Variants in NKAIN1 observed in about 807,000 individuals in gnomAD.
NKAIN1 encodes the protein sodium/potassium-transporting ATPase subunit beta-1-interacting protein 1.
Under a neutral mutation model 31.6 loss-of-function variants are expected in NKAIN1, and 13 were observed. The ratio of observed to expected loss-of-function variants is 0.41; its 90% confidence interval spans 0.27 to 0.65. The LOEUF (loss-of-function observed/expected upper bound fraction) is 0.65. Ranked by LOEUF, NKAIN1 falls within the 30% of genes least tolerant of loss-of-function variation. The pLI is 0.30. For synonymous variants in NKAIN1, 104 were observed against 109.0 expected, an observed-to-expected ratio of 0.95 and a Z score of 0.28; for missense variants, 193 against 262.2, an observed-to-expected ratio of 0.74 and a Z score of 1.82.
intron 1 of NKAIN1, among the ~76,000 whole-genome samples, chr1:31,222,523 C>T (rs1645572003): frequency 6.6e-6 from 1 of 152,198 alleles, no homozygotes; most frequent in Admixed American, 6.5e-5. Context: ...GGGGTGGTGA[C>T]CCGTCACCAG....
In NKAIN1 at chr1:31,239,147, C is replaced by T. The variant is rs1645713725; in HGVS notation, c.54+347G>A. Among the ~76,000 whole-genome samples the T allele has an allele frequency of 1.3e-5, 2 of 152,142 alleles. No homozygotes were observed. The highest frequency in any genetic ancestry group is 4.8e-5 in the African/African-American group (2 of 41,440). On this transcript the variant is annotated intron_variant, in intron 1 of 6. Transcript: ENST00000373736. The surrounding 1 kb of genome is among the most constrained non-coding windows in gnomAD (Gnocchi z 4.8). ...ACACACAGCAGGACCTCAACGGATCCACAGATCAGCCTCAGACACACCCCC... is the reference window on the plus strand; with the variant it reads ...ACACACAGCAGGACCTCAACGGATCTACAGATCAGCCTCAGACACACCCCC...
intron 1 of NKAIN1, among the ~76,000 whole-genome samples, chr1:31,195,206 C>T (rs1158462567): frequency 1.3e-5 from 2 of 150,934 alleles, no homozygotes; most frequent in Admixed American, 6.6e-5. Flanking sequence ...GCAACCTCCG[C>T]CTCCTGGGTT....
At chr1:31,183,276 C>T (rs1271729195) in intron 4 of NKAIN1, among the ~76,000 whole-genome samples, 1 of 152,040 alleles carries the variant, frequency 6.6e-6, no homozygotes, top group Non-Finnish European at 1.5e-5. Flanking sequence ...GTATTGAGCA[C>T]TTAAACCCAG....
chr1:31,184,099 C>G lies in NKAIN1; in HGVS notation c.274-85G>C, dbSNP rs1042568435. 22 of 1,240,156 alleles carry G rather than the reference C, an allele frequency of 1.8e-5. No individual in the cohort carries two copies. The South Asian group carries it at 2.9e-4, about 16-fold the overall frequency. The allele number at this position is 1,240,156 out of a possible 1,614,324, so 76.8% of individuals were successfully genotyped here. On this transcript the variant is annotated intron_variant, in intron 3 of 6. Transcript: ENST00000373736. The stretch of plus-strand genomic sequence containing the variant: ...CCCAGCCCAGGAAGACTATATTGAT[C>G]GGTGAAGGGATTCAGGGAGCCTGCA...
At chr1:31,231,752 G>C (rs973348153) in intron 1 of NKAIN1, among the ~76,000 whole-genome samples, 3 of 150,490 alleles carry the variant, frequency 2.0e-5, no homozygotes, top group Non-Finnish European at 3.0e-5. Context: ...GGATGGTCTC[G>C]ATCTCCTGAC....
At chr1:31,221,560 C>A (rs534926254) in intron 1 of NKAIN1, among the ~76,000 whole-genome samples, 1 of 151,348 alleles carries the variant, frequency 6.6e-6, no homozygotes, top group East Asian at 2.0e-4. Context: ...CTCAGCCTCC[C>A]GAGTAGCTGG....
chr1:31,234,029 A>G (rs1645676683), intron 1 of NKAIN1, among the ~76,000 whole-genome samples: 1 of 152,208 alleles, frequency 6.6e-6, no homozygotes. Flanking sequence ...CTTATAAAGG[A>G]GGAGAACCAG....
rs146411451 is a variant in NKAIN1, at chr1:31,226,952, A to G, written c.54+12542T>C. Among the ~76,000 whole-genome samples the G allele has an allele frequency of 5.1e-3, 775 of 151,316 alleles. 6 individuals carry two copies. The highest frequency in any genetic ancestry group is 0.017 in the African/African-American group (715 of 41,194). ...TGATTCTGGTGCCTCAGACTCCTGA[A>G]TAGCTGGGATTACAGGTGCACGCCA... On this transcript the variant is annotated intron_variant, in intron 1 of 6. Transcript: ENST00000373736.
chr1:31,191,661 T>G (rs1365243987), intron 1 of NKAIN1, among the ~76,000 whole-genome samples: 1 of 152,220 alleles, frequency 6.6e-6, no homozygotes, highest in Non-Finnish European at 1.5e-5. Flanking sequence ...CTTCTTAGTT[T>G]GGCACCGAGG....
At chr1:31,208,510 T>C (rs923478695) in intron 1 of NKAIN1, among the ~76,000 whole-genome samples, 1 of 152,018 alleles carries the variant, frequency 6.6e-6, no homozygotes, top group African/African-American at 2.4e-5. Context: ...TGCTACCCTA[T>C]CAAGCAGGGA....
At chr1:31,201,179 C>G (rs1464421509) in intron 1 of NKAIN1, among the ~76,000 whole-genome samples, 1 of 152,078 alleles carries the variant, frequency 6.6e-6, no homozygotes, top group Non-Finnish European at 1.5e-5. Context: ...TTGGGGATGA[C>G]AGTCTTGCCC....
intron 1 of NKAIN1, among the ~76,000 whole-genome samples, chr1:31,238,751 C>T (rs1053171693): frequency 6.6e-6 from 1 of 152,126 alleles, no homozygotes; most frequent in African/African-American, 2.4e-5. Flanking sequence ...CTGATGGAAC[C>T]CCCATGGCCA....
At chr1:31,232,665 G>T (rs1468630998) in intron 1 of NKAIN1, among the ~76,000 whole-genome samples, 1 of 151,400 alleles carries the variant, frequency 6.6e-6, no homozygotes, top group Admixed American at 6.6e-5. Context: ...TACTAGAGAA[G>T]AGTAGTTTGG....
rs3046278 is a variant in NKAIN1 at position 31,183,436 on chromosome 1, C to CTTTTT, written c.471+376_471+380dup. On this transcript the variant is annotated intron_variant, in intron 4 of 6. Transcript: ENST00000373736. ...GGCGGAAGACCTAGGTTCATTCCCTCTTTTTTTTTTTTTTTTTTTTTTTTT... is the reference window on the plus strand; with the variant it reads ...GGCGGAAGACCTAGGTTCATTCCCTCTTTTTTTTTTTTTTTTTTTTTTTTTTTTTT... Among the ~76,000 whole-genome samples the CTTTTT allele has an allele frequency of 5.8e-3, 620 of 106,500 alleles. 22 individuals are homozygous for CTTTTT. The highest frequency in any genetic ancestry group is 0.019 in the East Asian group (57 of 2,930). The allele number at this position is 106,500 out of a possible 152,430, so 69.9% of individuals were successfully genotyped here. A position where few individuals can be genotyped will look rare whatever the true frequency, so the allele number is the denominator to read the frequency against.
At chr1:31,236,055 C>A (rs975687040) in intron 1 of NKAIN1, among the ~76,000 whole-genome samples, 3 of 152,182 alleles carry the variant, frequency 2.0e-5, no homozygotes, top group Non-Finnish European at 2.9e-5. Flanking sequence ...TGAGTCCTCA[C>A]AACAACCCTA....
At chr1:31,217,754 G>C (rs1645524408) in intron 1 of NKAIN1, among the ~76,000 whole-genome samples, 1 of 152,210 alleles carries the variant, frequency 6.6e-6, no homozygotes, top group Admixed American at 6.5e-5. Context: ...CAGGCTCCCT[G>C]TCCTCTCCTG....
chr1:31,220,721 C>T (rs1297403977), intron 1 of NKAIN1, among the ~76,000 whole-genome samples: 1 of 147,266 alleles, frequency 6.8e-6, no homozygotes, highest in African/African-American at 2.5e-5. Flanking sequence ...TGCCACTGCA[C>T]TCCAGCCTGG....
At chr1:31,189,154 C>T (rs1371510287) in intron 1 of NKAIN1, among the ~76,000 whole-genome samples, 5 of 152,192 alleles carry the variant, frequency 3.3e-5, no homozygotes, top group East Asian at 1.9e-4. Flanking sequence ...GAAGGCACCC[C>T]GGCTAATAGC....
At chr1:31,205,300 TTTTGTTTG>T (rs200219178) in intron 1 of NKAIN1, among the ~76,000 whole-genome samples, 1 of 151,340 alleles carries the variant, frequency 6.6e-6, no homozygotes, top group African/African-American at 2.4e-5. Context: ...CCAGCTAATT[TTTTGTTTG>T]TTTGTTTGTT....
Sources: allele counts gnomAD v4.1 joint callset (sites outside exome capture counted in the v4.1 genomes callset), GRCh38; gene constraint gnomAD v4.1.1; non-coding constraint Gnocchi (gnomAD v3.1); transcripts MANE v1.5; gene names NCBI Gene and HGNC (gene_info 2026-07-23, HGNC 2026-07-21).